The following ALPK2 variants were observed in gnomAD, a reference collection of about 807,000 sequenced individuals.
ALPK2 encodes the protein alpha kinase 2, also known as alpha-protein kinase 2.
In ALPK2, 127 loss-of-function variants were observed where a neutral mutation model predicts 163.1. That is an observed-to-expected ratio of 0.78 (90% confidence interval 0.67 to 0.90). ALPK2 has a LOEUF of 0.90. Among genes scored for constraint, ALPK2 ranks in the 40% least tolerant of loss-of-function variants. The pLI is 0.00. For synonymous variants in ALPK2, 953 were observed against 959.1 expected, an observed-to-expected ratio of 0.99 and a Z score of 0.12; for missense variants, 2,360 against 2,589.6, an observed-to-expected ratio of 0.91 and a Z score of 1.92.
chr18:58,516,080 G>A (rs750782065), intron 9 of ALPK2, among the ~76,000 whole-genome samples: 11 of 152,102 alleles, frequency 7.2e-5, no homozygotes, highest in Admixed American at 2.0e-4. Context: ...TTAGTTGGGC[G>A]TGATGGCATG....
intron 1 of ALPK2, among the ~76,000 whole-genome samples, chr18:58,613,468 G>A (rs2052145881): frequency 6.6e-6 from 1 of 152,124 alleles, no homozygotes; most frequent in African/African-American, 2.4e-5. Flanking sequence ...GCTGAGGCGG[G>A]CGGATCACAA....
chr18:58,603,724 A>G (rs944570517), intron 3 of ALPK2, among the ~76,000 whole-genome samples: 1 of 131,700 alleles, frequency 7.6e-6, no homozygotes, highest in Middle Eastern at 3.6e-3. Flanking sequence ...CCCCGTTTGT[A>G]TACACATCGT....
chr18:58,506,732 AT>A (rs1412362314), intron 10 of ALPK2, among the ~76,000 whole-genome samples: 1 of 152,220 alleles, frequency 6.6e-6, no homozygotes, highest in Non-Finnish European at 1.5e-5. Context: ...ATGAATATAT[AT>A]GTATGTATAA....
At chr18:58,492,341 CTT>C (rs1037858088) in intron 12 of ALPK2, among the ~76,000 whole-genome samples, 23 of 152,290 alleles carry the variant, frequency 1.5e-4, no homozygotes, top group African/African-American at 5.5e-4. Context: ...ACCTTCTAGA[CTT>C]TTCCTTGTCT....
At chr18:58,603,394 A>G (rs1462654673) in intron 3 of ALPK2, among the ~76,000 whole-genome samples, 1 of 152,188 alleles carries the variant, frequency 6.6e-6, no homozygotes, top group Admixed American at 6.5e-5. Context: ...TCTCCTGGTC[A>G]TTGTCCCTGC....
rs539969013 is a variant in ALPK2 at position 58,549,542 on chromosome 18, CA to C, written c.1963-11319del. 7.1e-4 allele frequency among the ~76,000 whole-genome samples: 108 copies of C among 152,264 alleles called. 1 individual carries two copies. The highest frequency in any genetic ancestry group is 2.5e-3 in the African/African-American group (102 of 41,552). Reference sequence around the variant, plus strand: ...AATGTTGTGATTTGAGCTAGGAAGGCAAAATATACACTGAGCTGATATTTGT... The same window carrying C: ...AATGTTGTGATTTGAGCTAGGAAGGCAAATATACACTGAGCTGATATTTGT... On this transcript the variant is annotated intron_variant, in intron 4 of 12. Transcript: ENST00000361673.
chr18:58,555,978 C>G (rs901016211), intron 4 of ALPK2, among the ~76,000 whole-genome samples: 1 of 152,090 alleles, frequency 6.6e-6, no homozygotes, highest in Admixed American at 6.6e-5. Flanking sequence ...CCCGACACCA[C>G]GCCTGGCTAA....
chr18:58,582,386 A>C (rs1425753578), intron 3 of ALPK2, among the ~76,000 whole-genome samples: 1 of 152,202 alleles, frequency 6.6e-6, no homozygotes, highest in Admixed American at 6.5e-5. Context: ...CAAGGGCCTG[A>C]GAATCTGCTT....
intron 4 of ALPK2, among the ~76,000 whole-genome samples, chr18:58,541,932 G>A (rs1011254245): frequency 1.3e-5 from 2 of 152,144 alleles, no homozygotes; most frequent in African/African-American, 4.8e-5. Flanking sequence ...CTTTTAGGAG[G>A]AGATTTCTTA....
intron 10 of ALPK2, 152 bp downstream of exon 10, chr18:58,514,841 A>G (rs2051512744): frequency 3.1e-6 from 1 of 324,690 alleles, no homozygotes; most frequent in Non-Finnish European, 5.8e-6. Context: ...CTACCCAGCA[A>G]GGGGTAGGAT....
At chr18:58,611,146 T>G (rs2052128293) in intron 2 of ALPK2, among the ~76,000 whole-genome samples, 1 of 148,154 alleles carries the variant, frequency 6.7e-6, no homozygotes, top group South Asian at 2.1e-4. Context: ...GGTACAGTGG[T>G]GCGTGCCTCT....
chr18:58,570,738 C>T (rs2051881537), intron 4 of ALPK2, among the ~76,000 whole-genome samples: 1 of 152,200 alleles, frequency 6.6e-6, no homozygotes, highest in Non-Finnish European at 1.5e-5. Flanking sequence ...CCAGGAAAGA[C>T]GGCACATCTA....
At chr18:58,569,202 G>T (rs374987037) in intron 4 of ALPK2, among the ~76,000 whole-genome samples, 1 of 152,046 alleles carries the variant, frequency 6.6e-6, no homozygotes, top group African/African-American at 2.4e-5. Context: ...ACCCAGTCTT[G>T]GGGGGGAGAA....
chr18:58,602,221 T>C (rs1210671170), intron 3 of ALPK2, among the ~76,000 whole-genome samples: 1 of 152,216 alleles, frequency 6.6e-6, no homozygotes, highest in Non-Finnish European at 1.5e-5. Context: ...GAACCAACAC[T>C]GCATTCTCAG....
At chr18:58,560,720 A>G (rs2051821723) in intron 4 of ALPK2, among the ~76,000 whole-genome samples, 2 of 152,208 alleles carry the variant, frequency 1.3e-5, no homozygotes, top group Admixed American at 6.5e-5. Flanking sequence ...TCTGCATACC[A>G]TACTGTTACG....
At chr18:58,586,404 G>C (rs1379146598) in intron 3 of ALPK2, among the ~76,000 whole-genome samples, 1 of 152,184 alleles carries the variant, frequency 6.6e-6, no homozygotes. Flanking sequence ...CTTTTTCAGG[G>C]CTCTGAAAAT....
chr18:58,497,992 GGAA>G (rs2051409720), intron 12 of ALPK2, 54 bp downstream of exon 12: 1 of 1,526,976 alleles, frequency 6.5e-7, no homozygotes, highest in Non-Finnish European at 9.1e-7. Context: ...GTGTCTGCCT[GGAA>G]GGTGTCTGTA....
At chr18:58,555,728 C>T (rs1355083158) in intron 4 of ALPK2, among the ~76,000 whole-genome samples, 1 of 152,180 alleles carries the variant, frequency 6.6e-6, no homozygotes, top group Non-Finnish European at 1.5e-5. Context: ...AGTGGAGATG[C>T]TGGTGGCCCA....
At chr18:58,516,304 C>T (rs1335768008) in intron 9 of ALPK2, among the ~76,000 whole-genome samples, 1 of 151,974 alleles carries the variant, frequency 6.6e-6, no homozygotes, top group East Asian at 1.9e-4. Flanking sequence ...GAAGCTAAGG[C>T]TCTCCTGCCC....
Sources: gnomAD v4.1 joint callset for allele counts (sites outside exome capture counted in the v4.1 genomes callset) on GRCh38, gnomAD v4.1.1 for gene constraint, MANE v1.5 for transcripts, NCBI Gene and HGNC (gene_info 2026-07-23, HGNC 2026-07-21) for gene names.